The following ATP6V0A2 variants were observed in gnomAD, a reference collection of about 807,000 sequenced individuals.
The protein encoded by ATP6V0A2 is ATPase H+ transporting V0 subunit a2.
Under a neutral mutation model 104.4 loss-of-function variants are expected in ATP6V0A2, and 58 were observed. The observed-to-expected ratio is 0.56, with a 90% CI of 0.45 to 0.69. The LOEUF is 0.69. ATP6V0A2 is among the 30% of genes least tolerant of loss of function. The pLI is 0.00. For synonymous variants in ATP6V0A2, 376 were observed against 397.9 expected (o/e 0.95, Z 0.65); for missense variants, 938 against 1,062.9 (o/e 0.88, Z 1.63).
intron 6 of ATP6V0A2, chr12:123,731,757 C>T (rs559430902): frequency 5.1e-4 from 78 of 152,288 alleles, no homozygotes; most frequent in African/African-American, 1.8e-3. Flanking sequence ...GTGGGTTGCT[C>T]AGTTAACTGA....
chr12:123,735,163 G>T (rs954105895), intron 7 of ATP6V0A2, among the ~76,000 whole-genome samples: 1 of 128,990 alleles, frequency 7.8e-6, no homozygotes. Flanking sequence ...GTGTGTGTGT[G>T]TGTCTGTGTG....
At position 123,733,959 on chromosome 12, in the gene ATP6V0A2, T is replaced by C; in HGVS notation, c.682T>C (p.Ser228Pro). The change falls in exon 7 of 20, where the codon TCC becomes CCC. Residue 228 changes from serine (S) to proline (P), a missense_variant. Ser to Pro is a moderately conservative substitution (Grantham distance 74). Transcript: ENST00000330342. ...CATAAAATGGTATGTCTTTTTAATA[T>C]CCTTTTGGGGAGAGCAGATTGGCCA... ...EVIKWYVFLI[S>P]FWGEQIGHKV... 1.9e-6 allele frequency: 3 copies of C among 1,613,490 alleles called. No individual in the cohort carries two copies. The highest frequency in any genetic ancestry group is 2.2e-5 in the South Asian group (2 of 91,080).
chr12:123,726,133 T>C, intron 4 of ATP6V0A2, 64 bp from the exon 5 acceptor site: 2 of 1,330,024 alleles, frequency 1.5e-6, no homozygotes, highest in Non-Finnish European at 2.2e-6. Context: ...GTTTGAAAAT[T>C]TGACATGAGA....
rs754043585 is a variant in ATP6V0A2, at chr12:123,718,635, G to C, written c.130G>C (p.Val44Leu). 2 of 1,611,476 alleles carry C rather than the reference G, an allele frequency of 1.2e-6. No homozygotes were observed. Among genetic ancestry groups the C allele is most frequent in the East Asian group, 4.5e-5 (2 of 44,796 alleles). ...LVQFRDLNQN[V>L]SSFQRKFVGE... is the part of the protein sequence containing the mutation. Reference sequence around the variant, plus strand: ...ATCCTTTTCTCAGCTCAACCAGAACGTAAGTTCTTTCCAAAGAAAATTTGT... The same window carrying C: ...ATCCTTTTCTCAGCTCAACCAGAACCTAAGTTCTTTCCAAAGAAAATTTGT... The change falls in exon 2 of 20, where the codon GTA becomes CTA. Residue 44 changes from valine (V) to leucine (L), a missense_variant. Transcript: ENST00000330342.
intron 1 of ATP6V0A2, among the ~76,000 whole-genome samples, chr12:123,717,090 G>A (rs1486692378): frequency 1.3e-5 from 2 of 151,698 alleles, no homozygotes; most frequent in South Asian, 2.1e-4. Context: ...CGAGGTGGGC[G>A]AATCATCTGA....
In ATP6V0A2 at chr12:123,744,051, T is replaced by C; in HGVS notation, c.1189+116T>C. The C allele has an allele frequency of 1.3e-6, 2 of 1,550,736 alleles. No homozygotes were observed. Among genetic ancestry groups the C allele is most frequent in the Non-Finnish European group, 1.8e-6 (2 of 1,123,990 alleles). On this transcript the variant is annotated intron_variant, in intron 10 of 19. Transcript: ENST00000330342. This position sits in a 1 kb window ranked among gnomAD's most constrained non-coding sequence, Gnocchi z 5.4. ...TGACCATTACTTTTTTGCTATCTTATTTAAAAGTATAAGGTTTTAAATGTA... is the reference window on the plus strand; with the variant it reads ...TGACCATTACTTTTTTGCTATCTTACTTAAAAGTATAAGGTTTTAAATGTA...
rs1956526503 is a variant in ATP6V0A2 at position 123,733,805 on chromosome 12, T to C, written c.649-121T>C. 6.5e-6 allele frequency: 5 copies of C among 774,778 alleles called. No individual in the cohort carries two copies. In the South Asian group the frequency reaches 7.1e-5, roughly 11 times the overall value. The allele number at this position is 774,778 out of a possible 1,614,324, so 48.0% of individuals were successfully genotyped here. ...AATTCGTAATTACAGAATCCTCAAA[T>C]AAGGAGTATTGACTGTATTGAATGA... On this transcript the variant is annotated intron_variant, in intron 6 of 19. Coordinates refer to ENST00000330342, the MANE Select transcript of ATP6V0A2 (RefSeq NM_012463.4).
At chr12:123,749,777 G>A (rs1020448332) in intron 15 of ATP6V0A2, among the ~76,000 whole-genome samples, 1 of 152,206 alleles carries the variant, frequency 6.6e-6, no homozygotes, top group African/African-American at 2.4e-5. Context: ...TGTCTGTGAG[G>A]ACATCTGGGG....
chr12:123,729,377 G>T (rs569552085), intron 6 of ATP6V0A2, among the ~76,000 whole-genome samples: 50 of 139,934 alleles, frequency 3.6e-4, no homozygotes, highest in Non-Finnish European at 6.7e-4. Flanking sequence ...TGGCTTCTGG[G>T]TGTGCACATT....
chr12:123,754,943 G>A, intron 18 of ATP6V0A2: 1 of 254,244 alleles, frequency 3.9e-6, no homozygotes. Flanking sequence ...TTTCAAGCAA[G>A]TCCTGCCACA....
intron 7 of ATP6V0A2, among the ~76,000 whole-genome samples, chr12:123,734,405 A>C (rs1956531195): frequency 6.6e-6 from 1 of 152,076 alleles, no homozygotes; most frequent in Admixed American, 6.6e-5. Context: ...GCGTGTGGTG[A>C]GGAGGAGGCG....
chr12:123,726,697 G>A (rs939709817), intron 5 of ATP6V0A2, among the ~76,000 whole-genome samples: 1 of 152,140 alleles, frequency 6.6e-6, no homozygotes, highest in Admixed American at 6.5e-5. Context: ...GAAACTAGTG[G>A]TAATTTGTTT....
chr12:123,719,503 C>T (rs557417285), intron 2 of ATP6V0A2, among the ~76,000 whole-genome samples: 1 of 152,048 alleles, frequency 6.6e-6, no homozygotes, highest in Admixed American at 6.6e-5. Flanking sequence ...TCTCCTGCTT[C>T]AGCCGCCCTA....
chr12:123,744,011 T>C lies in ATP6V0A2; in HGVS notation c.1189+76T>C. The C allele has an allele frequency of 6.3e-7, 1 of 1,592,716 alleles. No homozygotes were observed. The highest frequency in any genetic ancestry group is 8.6e-7 in the Non-Finnish European group (1 of 1,160,800). Reference sequence around the variant, plus strand: ...TCTTGCTCTAAGAATGGAATAGATATTTGGAAAGAGAGGCTGACCATTACT... The same window carrying C: ...TCTTGCTCTAAGAATGGAATAGATACTTGGAAAGAGAGGCTGACCATTACT... On this transcript the variant is annotated intron_variant, in intron 10 of 19. Coordinates refer to ENST00000330342, the MANE Select transcript of ATP6V0A2 (RefSeq NM_012463.4). This position sits in a 1 kb window ranked among gnomAD's most constrained non-coding sequence, Gnocchi z 5.4.
At chr12:123,724,546 AAAAAC>A in intron 3 of ATP6V0A2, 103 bp from the exon 4 acceptor site, 2 of 1,283,984 alleles carry the variant, frequency 1.6e-6, no homozygotes, top group Non-Finnish European at 2.2e-6. Context: ...AAAAAAAGAA[AAAAAC>A]AAAACAAAAA....
chr12:123,737,588 A>T, intron 9 of ATP6V0A2: 1 of 369,986 alleles, frequency 2.7e-6, no homozygotes, highest in Non-Finnish European at 5.2e-6. Flanking sequence ...TGAGCTGGTC[A>T]TTCAAAGCTG....
intron 1 of ATP6V0A2, among the ~76,000 whole-genome samples, chr12:123,714,896 A>G (rs1300607986): frequency 5.9e-5 from 9 of 152,206 alleles, no homozygotes; most frequent in Non-Finnish European, 1.2e-4. Context: ...CCTGGCCAAC[A>G]TGGTGAAACC....
Position 123,722,348 on chromosome 12 carries a change from C to T in ATP6V0A2, c.197-3C>T. 1 of 1,565,598 alleles carries T rather than the reference C, an allele frequency of 6.4e-7. No individual in the cohort carries two copies. The highest frequency in any genetic ancestry group is 8.8e-7 in the Non-Finnish European group (1 of 1,135,720). ...TCTAATTGTTTAACTTTTATTTTCA[C>T]AGTGTATTTGGTACAGGAAATTAAT... On this transcript the variant is annotated splice_region_variant and splice_polypyrimidine_tract_variant and intron_variant, in intron 2 of 19. Transcript: ENST00000330342.
chr12:123,744,606 A>T lies in ATP6V0A2; in HGVS notation c.1336A>T (p.Met446Leu). 1 of 1,612,914 alleles carries T rather than the reference A, an allele frequency of 6.2e-7. No individual in the cohort carries two copies. Among genetic ancestry groups the T allele is most frequent in the Non-Finnish European group, 8.5e-7 (1 of 1,180,008 alleles). ...GCCTTGCCCTTCACAGATCATGAGG[A>T]TGTTTTTTAATGGCCGGTACATCCT... ...RLNQSQEIMR[M>L]FFNGRYILLL... Residue 446 changes from methionine to leucine, a missense_variant, in exon 12 of 20, where the codon ATG becomes TTG. Met to Leu is a conservative substitution (Grantham distance 15). Coordinates refer to ENST00000330342, the MANE Select transcript of ATP6V0A2 (RefSeq NM_012463.4). The surrounding 1 kb of genome is among the most constrained non-coding windows in gnomAD (Gnocchi z 5.4).
Sources: gnomAD v4.1 joint callset for allele counts (sites outside exome capture counted in the v4.1 genomes callset) on GRCh38, gnomAD v4.1.1 for gene constraint, Gnocchi (gnomAD v3.1) non-coding constraint, MANE v1.5 for transcripts, NCBI Gene and HGNC (gene_info 2026-07-23, HGNC 2026-07-21) for gene names.